VCL: variants seen among roughly 807,000 people sequenced by gnomAD.
VCL encodes the protein epididymis luminal protein 114.
VCL carries 47 observed loss-of-function variants against 125.7 expected under a neutral mutation model. The observed-to-expected ratio is 0.37, with a 90% CI of 0.30 to 0.48. The LOEUF (loss-of-function observed/expected upper bound fraction) is 0.48, where lower values mean the gene tolerates loss of function less well. VCL is among the 20% of genes least tolerant of loss of function. The pLI, the probability that VCL is intolerant of heterozygous loss-of-function variation, is 0.99. For synonymous variants in VCL, 458 were observed against 514.6 expected (o/e 0.89, Z 1.49); for missense variants, 1,069 against 1,455.5 (o/e 0.73, Z 4.32).
intron 2 of VCL, 120 bp from the exon 3 acceptor site, chr10:74,070,550 G>T: frequency 1.4e-6 from 2 of 1,419,152 alleles, no homozygotes; most frequent in Non-Finnish European, 2.0e-6. Context: ...AATTGGTCTT[G>T]GCTATTTTTC....
At chr10:74,019,908 C>CA (rs1565635447) in intron 1 of VCL, among the ~76,000 whole-genome samples, 1 of 151,812 alleles carries the variant, frequency 6.6e-6, no homozygotes, top group Non-Finnish European at 1.5e-5. Flanking sequence ...ACTAAAAATA[C>CA]AAAAATTAGC....
intron 1 of VCL, among the ~76,000 whole-genome samples, chr10:74,029,202 C>T (rs1840827878): frequency 6.6e-6 from 1 of 151,952 alleles, no homozygotes; most frequent in Non-Finnish European, 1.5e-5. Flanking sequence ...CAAGCTCCGC[C>T]TCCTGGGTTC....
At chr10:74,048,136 A>C (rs1036596616) in intron 2 of VCL, among the ~76,000 whole-genome samples, 17 of 152,222 alleles carry the variant, frequency 1.1e-4, no homozygotes, top group African/African-American at 3.6e-4. Context: ...CTGTATTGTT[A>C]AAATGTTGGT....
At chr10:74,055,866 C>T (rs1002275193) in intron 2 of VCL, among the ~76,000 whole-genome samples, 4 of 151,998 alleles carry the variant, frequency 2.6e-5, no homozygotes, top group South Asian at 2.1e-4. Flanking sequence ...TCTGCACTGA[C>T]GCTAGATTTG....
intron 1 of VCL, among the ~76,000 whole-genome samples, chr10:74,006,013 G>C (rs1840318788): frequency 6.6e-6 from 1 of 152,036 alleles, no homozygotes; most frequent in Non-Finnish European, 1.5e-5. Flanking sequence ...AGCCTCCTGA[G>C]TAGTTGGGAT....
At chr10:74,043,284 T>TG in intron 2 of VCL, 131 bp downstream of exon 2, 1 of 821,466 alleles carries the variant, frequency 1.2e-6, no homozygotes, top group South Asian at 1.6e-5. Flanking sequence ...TCAACTTTTT[T>TG]GTCTTCTAAC....
intron 14 of VCL, among the ~76,000 whole-genome samples, chr10:74,101,587 C>T (rs1180261352): frequency 6.9e-5 from 8 of 115,656 alleles, no homozygotes; most frequent in South Asian, 2.6e-4. Flanking sequence ...CTCGCTCTGT[C>T]GCCCAGGCCG....
intron 2 of VCL, among the ~76,000 whole-genome samples, chr10:74,053,918 G>A (rs1035317494): frequency 2.0e-5 from 3 of 151,768 alleles, no homozygotes; most frequent in African/African-American, 7.3e-5. Context: ...TTAAATTAGA[G>A]AATTTAAAAA....
rs1010293203 is a variant in VCL, at chr10:73,998,427, C to T, written c.168+52C>T. ...GCGGGCGCGGGAGGTATCCCCGGGG[C>T]CCCGGCCCGCGTCGCGGCTGCCTGT... On this transcript the variant is annotated intron_variant, in intron 1 of 21. Coordinates refer to ENST00000211998, the MANE Select transcript of VCL (RefSeq NM_014000.3). 31 of 1,318,116 alleles carry T rather than the reference C, an allele frequency of 2.4e-5. No homozygotes were observed. The Middle Eastern group carries it at 1.1e-3, about 47-fold the overall frequency. 81.7% of individuals were successfully genotyped at this position (1,318,116 alleles called of 1,614,324 possible). A position where few individuals can be genotyped will look rare whatever the true frequency, so the allele number is the denominator to read the frequency against.
intron 2 of VCL, 51 bp from the exon 3 acceptor site, chr10:74,070,619 T>C: frequency 1.2e-6 from 2 of 1,611,650 alleles, no homozygotes; most frequent in Non-Finnish European, 1.7e-6. Context: ...TTGCATATGG[T>C]ATTCTTCTGT....
At chr10:74,016,619 A>G (rs1840545725) in intron 1 of VCL, among the ~76,000 whole-genome samples, 1 of 152,134 alleles carries the variant, frequency 6.6e-6, no homozygotes, top group Admixed American at 6.5e-5. Flanking sequence ...AAATGTGAGG[A>G]TAATCTTATT....
chr10:74,098,647 T>C (rs1020211314), intron 13 of VCL, among the ~76,000 whole-genome samples: 12 of 152,190 alleles, frequency 7.9e-5, no homozygotes, highest in African/African-American at 2.9e-4. Flanking sequence ...CCAGCCTTTA[T>C]AGTATTGGCA....
At chr10:74,052,332 C>A (rs1841313902) in intron 2 of VCL, among the ~76,000 whole-genome samples, 1 of 144,290 alleles carries the variant, frequency 6.9e-6, no homozygotes, top group Non-Finnish European at 1.5e-5. Flanking sequence ...ATTTTTGTTT[C>A]TTAATAATTT....
chr10:74,089,330 A>G lies in VCL; in HGVS notation c.1157A>G (p.Lys386Arg), dbSNP rs200342284. Residue 386 changes from lysine to arginine, a missense_variant, in exon 9 of 22, where the codon AAG becomes AGG. Lys to Arg is a conservative substitution (Grantham distance 26, BLOSUM62 2). Transcript: ENST00000211998. The part of the protein sequence containing the change: ...AMTNSKQSIA[K>R]KIDAAQNWLA... ...ACCAACTCAAAGCAGAGCATTGCAA[A>G]GAAGATCGATGCTGCTCAGGTAGTC... The G allele has an allele frequency of 3.5e-4, 567 of 1,614,096 alleles. 8 individuals are homozygous for G. The South Asian group carries it at 6.0e-3, about 17-fold the overall frequency.
chr10:74,025,981 T>C (rs569656452), intron 1 of VCL, among the ~76,000 whole-genome samples: 2 of 152,282 alleles, frequency 1.3e-5, no homozygotes, highest in East Asian at 1.9e-4. Context: ...ATAAATGAGC[T>C]TGAGGAGGCA....
In VCL at chr10:74,072,862, G is replaced by T; in HGVS notation, c.622+10G>T. ...CCAGTTCTCATTTCAGGTACTTCCT[G>T]CCTGTACTTTATTTTATAGGGGGGA... is the stretch of plus-strand genomic sequence containing the variant. On this transcript the variant is annotated intron_variant, in intron 5 of 21. Coordinates refer to ENST00000211998, the MANE Select transcript of VCL (RefSeq NM_014000.3). 5 of 1,613,858 alleles carry T rather than the reference G, an allele frequency of 3.1e-6. No individual in the cohort carries two copies. Among genetic ancestry groups the T allele is most frequent in the Non-Finnish European group, 4.2e-6 (5 of 1,179,934 alleles).
chr10:74,072,149 A>T (rs1841671366), intron 4 of VCL, among the ~76,000 whole-genome samples: 1 of 152,240 alleles, frequency 6.6e-6, no homozygotes, highest in South Asian at 2.1e-4. Flanking sequence ...GTGCTAGCAG[A>T]GTGATTCCAA....
chr10:74,095,870 C>A lies in VCL; in HGVS notation c.1743+15C>A, dbSNP rs751276890. On this transcript the variant is annotated intron_variant, in intron 12 of 21. Coordinates refer to ENST00000211998, the MANE Select transcript of VCL (RefSeq NM_014000.3). Reference sequence around the variant, plus strand: ...ACTCCTTAAAGGTAGAAGTCAGGAGCACATATCATTTTACTTTTTATGCTT... The same window carrying A: ...ACTCCTTAAAGGTAGAAGTCAGGAGAACATATCATTTTACTTTTTATGCTT... The A allele has an allele frequency of 1.2e-6, 2 of 1,611,786 alleles. No individual in the cohort carries two copies. Among genetic ancestry groups the A allele is most frequent in the South Asian group, 1.1e-5 (1 of 91,050 alleles).
intron 2 of VCL, among the ~76,000 whole-genome samples, chr10:74,065,924 G>A (rs903378060): frequency 1.3e-5 from 2 of 151,596 alleles, no homozygotes; most frequent in Non-Finnish European, 2.9e-5. Context: ...CTCTGTTCAT[G>A]TGTACCAGGA....
Sources: allele counts gnomAD v4.1 joint callset (sites outside exome capture counted in the v4.1 genomes callset), GRCh38; gene constraint gnomAD v4.1.1; transcripts MANE v1.5; gene names NCBI Gene and HGNC (gene_info 2026-07-23, HGNC 2026-07-21).